Variants in SUDS3 observed in about 807,000 individuals in gnomAD.
SUDS3 encodes the protein sin3 histone deacetylase corepressor complex component SDS3.
Under a neutral mutation model 53.5 loss-of-function variants are expected in SUDS3, and 23 were observed. That is an observed-to-expected ratio of 0.43 (90% CI 0.31 to 0.61). SUDS3 has a LOEUF of 0.61. Among genes scored for constraint, SUDS3 ranks in the 20% least tolerant of loss-of-function variants. The probability of loss-of-function intolerance (pLI) is 0.10; values close to 1 mark genes in which losing one functional copy is unlikely to be tolerated. For synonymous variants in SUDS3, 150 were observed against 148.5 expected, an observed-to-expected ratio of 1.01 and a Z score of -0.08; for missense variants, 291 against 405.9, an observed-to-expected ratio of 0.72 and a Z score of 2.43.
intron 3 of SUDS3, among the ~76,000 whole-genome samples, chr12:118,384,749 C>A (rs546426503): frequency 1.3e-5 from 2 of 151,878 alleles, no homozygotes; most frequent in South Asian, 4.2e-4. Flanking sequence ...AGGAGAATAG[C>A]GTGAACCTGG....
Position 118,415,319 on chromosome 12 carries a change from A to G in SUDS3, c.*886A>G, listed in dbSNP as rs2046390940. ...GGTGGGAGGTGAGATTGATAGTGCA[A>G]TAATCAGTGATCTATAGACCCTCAT... On this transcript the variant is annotated 3_prime_UTR_variant, in exon 12 of 12. Transcript: ENST00000543473. The G allele has an allele frequency of 6.6e-6, 1 of 152,136 alleles. No individual in the cohort carries two copies. Among genetic ancestry groups the G allele is most frequent in the Non-Finnish European group, 1.5e-5 (1 of 68,036 alleles). 9.4% of individuals were successfully genotyped at this position (152,136 alleles called of 1,614,324 possible).
intron 7 of SUDS3, among the ~76,000 whole-genome samples, chr12:118,401,330 T>C (rs2046260941): frequency 6.6e-6 from 1 of 152,228 alleles, no homozygotes; most frequent in South Asian, 2.1e-4. Flanking sequence ...TAGTCATTTG[T>C]GTACCATCAG....
intron 6 of SUDS3, among the ~76,000 whole-genome samples, chr12:118,397,300 C>T (rs1000666697): frequency 2.0e-5 from 3 of 152,102 alleles, no homozygotes; most frequent in East Asian, 3.9e-4. Flanking sequence ...CCAGATTGAG[C>T]GTCTTGGGAC....
intron 11 of SUDS3, 102 bp downstream of exon 11, chr12:118,411,259 A>AGT: frequency 1.0e-6 from 1 of 999,230 alleles, no homozygotes; most frequent in South Asian, 1.4e-5. Flanking sequence ...AGTACAGTGG[A>AGT]GTACTGTCTT....
At chr12:118,402,456 A>G (rs80346121) in intron 9 of SUDS3, 7,178 of 176,354 alleles carry the variant, frequency 0.041, 185 homozygotes, top group Non-Finnish European at 0.049. Flanking sequence ...GAAGAGACCA[A>G]CCAGCTCAGT....
rs536834211 is a variant in SUDS3 at position 118,384,171 on chromosome 12, G to T, written c.268+104G>T. 14 of 1,192,448 alleles carry T rather than the reference G, an allele frequency of 1.2e-5. No individual in the cohort carries two copies. In the East Asian group the frequency reaches 3.5e-4, roughly 29 times the overall value. 73.9% of individuals were successfully genotyped at this position (1,192,448 alleles called of 1,614,324 possible). On this transcript the variant is annotated intron_variant, in intron 3 of 11. Coordinates refer to ENST00000543473, the MANE Select transcript of SUDS3 (RefSeq NM_022491.3). ...CTCTGTGGGAGTTATTTAAAACACG[G>T]TCTGGCTGATCTTAGCTATCCAGTA...
At chr12:118,397,327 A>G (rs1353145607) in intron 6 of SUDS3, among the ~76,000 whole-genome samples, 3 of 152,152 alleles carry the variant, frequency 2.0e-5, no homozygotes, top group Non-Finnish European at 4.4e-5. Flanking sequence ...AGTCCCAGTC[A>G]TAGGAGATTG....
chr12:118,378,882 T>G (rs1022933874), intron 1 of SUDS3, among the ~76,000 whole-genome samples: 3 of 151,962 alleles, frequency 2.0e-5, no homozygotes, highest in Non-Finnish European at 2.9e-5. Context: ...TCCATGCTGG[T>G]CAGGCTGGTC....
chr12:118,378,012 AT>A (rs568985884), intron 1 of SUDS3, among the ~76,000 whole-genome samples: 30 of 152,346 alleles, frequency 2.0e-4, no homozygotes, highest in African/African-American at 7.2e-4. Context: ...ATTCGATTTA[AT>A]TCCATCAGAA....
chr12:118,407,611 T>G (rs2046319183), intron 10 of SUDS3, among the ~76,000 whole-genome samples: 1 of 152,152 alleles, frequency 6.6e-6, no homozygotes, highest in Non-Finnish European at 1.5e-5. Flanking sequence ...ACAATGCATC[T>G]CATGAGAATT....
At chr12:118,401,630 A>G in intron 7 of SUDS3, 129 bp from the exon 8 acceptor site, 1 of 787,252 alleles carries the variant, frequency 1.3e-6, no homozygotes, top group Non-Finnish European at 2.1e-6. Context: ...CTAAGAAGCA[A>G]ACTGTTACTG....
chr12:118,402,051 G>A (rs1416062278), intron 9 of SUDS3, 47 bp downstream of exon 9: 1 of 1,609,456 alleles, frequency 6.2e-7, no homozygotes, highest in East Asian at 2.2e-5. Context: ...TTATCATGTT[G>A]TTGGAAAAGG....
intron 6 of SUDS3, among the ~76,000 whole-genome samples, chr12:118,398,184 T>C (rs2046232645): frequency 6.6e-6 from 1 of 152,208 alleles, no homozygotes; most frequent in Non-Finnish European, 1.5e-5. Flanking sequence ...CGCCAGGCAC[T>C]GTGCTAAGAT....
At chr12:118,411,249 AG>A (rs2046356756) in intron 11 of SUDS3, 92 bp downstream of exon 11, 1 of 1,045,638 alleles carries the variant, frequency 9.6e-7, no homozygotes, top group Admixed American at 2.0e-5. Context: ...CCACCAAGGA[AG>A]TACAGTGGAG....
intron 6 of SUDS3, among the ~76,000 whole-genome samples, chr12:118,396,262 A>G (rs2046214500): frequency 6.6e-6 from 1 of 151,954 alleles, no homozygotes. Flanking sequence ...TTTAAAGTAC[A>G]TTTAATTTTT....
intron 7 of SUDS3, 117 bp downstream of exon 7, chr12:118,400,871 C>T: frequency 1.0e-6 from 1 of 962,836 alleles, no homozygotes; most frequent in Non-Finnish European, 1.6e-6. Context: ...TAACATTTAA[C>T]TGGAAAGCGT....
intron 1 of SUDS3, among the ~76,000 whole-genome samples, chr12:118,378,814 T>C (rs550034148): frequency 1.3e-5 from 2 of 152,284 alleles, no homozygotes; most frequent in Non-Finnish European, 2.9e-5. Context: ...TAGCTGGGAT[T>C]ACAGGCATGT....
intron 6 of SUDS3, among the ~76,000 whole-genome samples, chr12:118,396,408 A>C (rs2046216010): frequency 6.6e-6 from 1 of 152,008 alleles, no homozygotes; most frequent in Admixed American, 6.5e-5. Context: ...CCTGCCACCT[A>C]GCCCAGCTAG....
rs2046405276 is a variant in SUDS3, at chr12:118,416,847, C to T, written c.*2414C>T. The T allele has an allele frequency of 6.6e-6, 1 of 152,156 alleles. No individual in the cohort carries two copies. 9.4% of individuals were successfully genotyped at this position (152,156 alleles called of 1,614,324 possible). Reference sequence around the variant, plus strand: ...CTGGGTGGCCATTATTCCAAAAGGTCATTGTTTCTCACTAGACCCCAGGGC... The same window carrying T: ...CTGGGTGGCCATTATTCCAAAAGGTTATTGTTTCTCACTAGACCCCAGGGC... On this transcript the variant is annotated 3_prime_UTR_variant, in exon 12 of 12. Coordinates refer to ENST00000543473, the MANE Select transcript of SUDS3 (RefSeq NM_022491.3).
Sources: allele counts gnomAD v4.1 joint callset (sites outside exome capture counted in the v4.1 genomes callset), GRCh38; gene constraint gnomAD v4.1.1; transcripts MANE v1.5; gene names NCBI Gene and HGNC (gene_info 2026-07-23, HGNC 2026-07-21).